Variants in ARMCX4 observed in about 807,000 individuals in gnomAD.
ARMCX4 encodes armadillo repeat-containing X-linked protein 4.
In ARMCX4, 3 loss-of-function variants were observed where a neutral mutation model predicts 34.7. That is an observed-to-expected ratio of 0.09 (90% confidence interval 0.04 to 0.22). The LOEUF is 0.22. Ranked by LOEUF, ARMCX4 falls within the 10% of genes least tolerant of loss-of-function variation. The probability of loss-of-function intolerance (pLI) is 1.00; values close to 1 mark genes in which losing one functional copy is unlikely to be tolerated. For missense variants in ARMCX4, 1,448 were observed against 1,720.8 expected (o/e 0.84, Z 2.81); for synonymous variants, 513 against 632.8 (o/e 0.81, Z 2.84).
intron 4 of ARMCX4, among the ~76,000 whole-genome samples, chrX:101,454,707 A>T (rs2147593846): frequency 9.0e-6 from 1 of 111,464 alleles, no homozygotes; most frequent in Non-Finnish European, 1.9e-5. Flanking sequence ...TGAGGTAGTG[A>T]ATCCTTCCCA....
rs1556011279 is a variant in ARMCX4, at chrX:101,494,608, G to A, written c.6019G>A (p.Ala2007Thr). ...AACTAAGTTTGCACACCAAAGTGAG[G>A]CCAGCTTCCCAGTTGAAGATGAGTC... is the stretch of plus-strand genomic sequence containing the variant. ...SETKFAHQSE[A>T]SFPVEDESRK... The change falls in exon 6 of 6, where the codon GCC becomes ACC. Residue 2007 changes from alanine (A) to threonine (T), a missense_variant. Physicochemically the swap from Ala to Thr is moderately conservative, Grantham distance 58. This residue lies in a region of ARMCX4 where 1,343 missense variants were observed against 1,540.7 expected (regional missense o/e 0.87). Transcript: ENST00000423738. The A allele has an allele frequency of 1.7e-6, 2 of 1,155,615 alleles. No homozygotes were observed. The highest frequency in any genetic ancestry group is 3.8e-5 in the South Asian group (2 of 52,715).
chrX:101,523,358 G>A (rs1934894306), intron 11 of ARMCX4, among the ~76,000 whole-genome samples: 1 of 111,777 alleles, frequency 8.9e-6, no homozygotes, highest in African/African-American at 3.3e-5. Flanking sequence ...ATGAGGTGGT[G>A]GATAGGGGAC....
rs1234655995 is a variant in ARMCX4 at position 101,490,696 on chromosome X, G to A, written c.2107G>A (p.Asp703Asn). Residue 703 changes from aspartate (D) to asparagine (N), a missense_variant, in exon 6 of 6, where the codon GAT (aspartate) becomes AAT (asparagine). Coordinates refer to ENST00000423738, the MANE Select transcript of ARMCX4 (RefSeq NM_001256155.3). ...TGTGTCTAAGGCAGGGGCTGGGACA[G>A]ATACAACAGGCTCTGTCCAGCCCCA... ...NAVSKAGAGT[D>N]TTGSVQPQIV... is the part of the protein sequence containing the mutation. The A allele has an allele frequency of 5.2e-6, 6 of 1,155,021 alleles. No homozygotes were observed. The highest frequency in any genetic ancestry group is 6.9e-6 in the Non-Finnish European group (6 of 872,692).
chrX:101,522,100 T>C (rs1934866989), intron 11 of ARMCX4, among the ~76,000 whole-genome samples: 2 of 111,926 alleles, frequency 1.8e-5, no homozygotes, highest in South Asian at 7.3e-4. Flanking sequence ...AAGTGGAGTA[T>C]TGAATTATTC....
rs1325657173 is a variant in ARMCX4 at position 101,492,613 on chromosome X, T to C, written c.4024T>C (p.Leu1342=). The change falls in exon 6 of 6, where the codon TTG becomes CTG. Residue 1342 remains leucine, a synonymous_variant. Transcript: ENST00000423738. ...TGGCCAGGCTAGTGGAGGGTCAATG[T>C]TGGGGCCTGAGGACCAGTCCAGTGG... The part of the protein sequence containing the change: ...AGGQASGGSM[L]GPEDQSSGRS... 9.3e-7 allele frequency: 1 copy of C among 1,080,191 alleles called. No homozygotes were observed. Among genetic ancestry groups the C allele is most frequent in the Non-Finnish European group, 1.2e-6 (1 of 836,805 alleles). The allele number at this position is 1,080,191 out of a possible 1,213,427, so 89.0% of individuals were successfully genotyped here. A position where few individuals can be genotyped will look rare whatever the true frequency, so the allele number is the denominator to read the frequency against.
chrX:101,476,583 AGAAAAAAAAGC>A (rs1933197425), intron 4 of ARMCX4, among the ~76,000 whole-genome samples: 1 of 111,323 alleles, frequency 9.0e-6, no homozygotes, highest in Admixed American at 9.6e-5. Context: ...CCAAAATTTA[AGAAAAAAAAGC>A]ATCTTCTAAA....
intron 4 of ARMCX4, among the ~76,000 whole-genome samples, chrX:101,476,553 A>G (rs377389164): frequency 9.0e-6 from 1 of 111,365 alleles, no homozygotes; most frequent in Non-Finnish European, 1.9e-5. Flanking sequence ...TTAGACATTA[A>G]TGCAGTCCCC....
At chrX:101,448,581 T>TTTTTG (rs781803439), downstream of ARMCX4, among the ~76,000 whole-genome samples, 6 of 111,339 alleles carry the variant, frequency 5.4e-5, no homozygotes, top group East Asian at 1.7e-3. Context: ...CATTGTAGGT[T>TTTTTG]TTTTGTTTTG....
chrX:101,506,029 G>T (rs1482631238), intron 8 of ARMCX4, among the ~76,000 whole-genome samples: 1 of 111,337 alleles, frequency 9.0e-6, no homozygotes, highest in Non-Finnish European at 1.9e-5. Flanking sequence ...TTTTCATAGA[G>T]ACGGGGTTTC....
chrX:101,441,005 C>T (rs1931254611), intron 2 of ARMCX4, among the ~76,000 whole-genome samples: 1 of 111,012 alleles, frequency 9.0e-6, no homozygotes, highest in South Asian at 3.8e-4. Context: ...TGACACTCCT[C>T]AGTGAGATGA....
At chrX:101,529,750 T>C (rs912350461) in intron 11 of ARMCX4, among the ~76,000 whole-genome samples, 2 of 112,202 alleles carry the variant, frequency 1.8e-5, no homozygotes, top group East Asian at 2.8e-4. Flanking sequence ...TCATCAATGG[T>C]CATCAGAGAA....
Position 101,489,546 on chromosome X carries a change from T to C in ARMCX4, c.957T>C (p.Ser319=), listed in dbSNP as rs1556007982. 8.7e-7 allele frequency: 1 copy of C among 1,153,526 alleles called. No homozygotes were observed. Among genetic ancestry groups the C allele is most frequent in the African/African-American group, 1.8e-5 (1 of 55,553 alleles). The change falls in exon 6 of 6, where the codon TCT becomes TCC. Residue 319 remains serine, a synonymous_variant. Coordinates refer to ENST00000423738, the MANE Select transcript of ARMCX4 (RefSeq NM_001256155.3). ...AGTCTGGGGCAGACACGAGGGCTTC[T>C]GCTCAGCCTCAAATTTTTGCCAAAA... ...RAESGADTRA[S]AQPQIFAKTQ... is the part of the protein sequence containing the mutation.
intron 2 of ARMCX4, among the ~76,000 whole-genome samples, chrX:101,436,266 C>T (rs1215943631): frequency 9.0e-6 from 1 of 110,967 alleles, no homozygotes; most frequent in Non-Finnish European, 1.9e-5. Context: ...TTGATTCTTC[C>T]TACCCATGAG....
At position 101,506,743 on chromosome X, in the gene ARMCX4, T is replaced by G. The variant is rs6621084; in HGVS notation, c.*1596+1388T>G. 7.2e-5 allele frequency among the ~76,000 whole-genome samples: 8 copies of G among 111,061 alleles called. No homozygotes were observed. The East Asian group carries it at 2.3e-3, about 31-fold the overall frequency. ...TAATGGTTCTCAAGCTTCCAGTTCT[T>G]TACACAGAATTGGAGTACTCTATGT... On this transcript the variant is annotated intron_variant and NMD_transcript_variant, in intron 8 of 12. Coordinates refer to the ARMCX4 transcript ENST00000354842.
intron 2 of ARMCX4, among the ~76,000 whole-genome samples, chrX:101,431,744 T>C (rs1238996921): frequency 1.4e-4 from 16 of 111,484 alleles, no homozygotes; most frequent in Non-Finnish European, 1.7e-4. Context: ...GGGGTTTCAT[T>C]GTGTTAGCCA....
chrX:101,421,571 A>G (rs1474081103), intron 2 of ARMCX4, among the ~76,000 whole-genome samples: 2 of 111,340 alleles, frequency 1.8e-5, no homozygotes, highest in Non-Finnish European at 3.8e-5. Flanking sequence ...GGAAGATAGG[A>G]AGTCTAAGGT....
chrX:101,461,357 CATA>C (rs1932599441), intron 4 of ARMCX4, among the ~76,000 whole-genome samples: 2 of 112,144 alleles, frequency 1.8e-5, no homozygotes, highest in Non-Finnish European at 3.8e-5. Flanking sequence ...TTTCACTTAG[CATA>C]ATGTTTTCAG....
intron 7 of ARMCX4, among the ~76,000 whole-genome samples, chrX:101,503,006 A>G (rs1338960621): frequency 1.1e-5 from 1 of 92,691 alleles, no homozygotes; most frequent in Non-Finnish European, 2.1e-5. Context: ...TCATTGTTCA[A>G]TTCCCACCTA....
chrX:101,519,787 A>G (rs1934813505), intron 11 of ARMCX4, among the ~76,000 whole-genome samples: 1 of 110,735 alleles, frequency 9.0e-6, no homozygotes, highest in South Asian at 3.8e-4. Flanking sequence ...ATTCCCATCA[A>G]CAGTGTGCAA....
Sources: gnomAD v4.1 joint callset for allele counts (sites outside exome capture counted in the v4.1 genomes callset) on GRCh38, gnomAD v4.1.1 for gene constraint, gnomAD v4.1.1 regional missense constraint, MANE v1.5 for transcripts, NCBI Gene and HGNC (gene_info 2026-07-23, HGNC 2026-07-21) for gene names.